Variants in KIF2C observed in about 807,000 individuals in gnomAD.
The protein encoded by KIF2C is kinesin-like protein KIF2C.
Under a neutral mutation model 97.4 loss-of-function variants are expected in KIF2C, and 34 were observed. The ratio of observed to expected loss-of-function variants is 0.35; its 90% CI spans 0.27 to 0.46. KIF2C has a LOEUF of 0.46. Among genes scored for constraint, KIF2C ranks in the 20% least tolerant of loss-of-function variants. KIF2C has a pLI of 1.00. For missense variants in KIF2C, 750 were observed against 907.6 expected (o/e 0.83, Z 2.23); for synonymous variants, 313 against 318.2 (o/e 0.98, Z 0.17).
intron 16 of KIF2C, among the ~76,000 whole-genome samples, chr1:44,761,543 G>A (rs972715743): frequency 7.2e-5 from 11 of 151,880 alleles, no homozygotes; most frequent in Non-Finnish European, 5.9e-5. Context: ...GGGAGGCAGA[G>A]CTTGCAGTGA....
intron 2 of KIF2C, among the ~76,000 whole-genome samples, chr1:44,744,547 T>C (rs1649087147): frequency 6.6e-6 from 1 of 152,340 alleles, no homozygotes; most frequent in Middle Eastern, 3.4e-3. Flanking sequence ...TCCTTTCTCC[T>C]GGGATGTTCA....
chr1:44,741,079 CTG>C, intron 2 of KIF2C, 72 bp downstream of exon 2: 1 of 1,161,078 alleles, frequency 8.6e-7, no homozygotes, highest in Non-Finnish European at 1.3e-6. Flanking sequence ...GAAGTGGAAT[CTG>C]TGAGAGCCTA....
intron 4 of KIF2C, among the ~76,000 whole-genome samples, chr1:44,748,117 T>C (rs1573555441): frequency 6.6e-6 from 1 of 152,252 alleles, no homozygotes; most frequent in Middle Eastern, 3.4e-3. Context: ...GAGGGATGGC[T>C]GGGGCTGGAG....
intron 1 of KIF2C, among the ~76,000 whole-genome samples, chr1:44,740,243 T>G (rs944215474): frequency 6.6e-6 from 1 of 152,220 alleles, no homozygotes; most frequent in Non-Finnish European, 1.5e-5. Flanking sequence ...TCTCCAAGGC[T>G]GGTAGACCTC....
chr1:44,755,920 C>G lies in KIF2C; in HGVS notation c.760-9C>G, dbSNP rs371725319. 3 of 1,613,352 alleles carry G rather than the reference C, an allele frequency of 1.9e-6. No homozygotes were observed. Among genetic ancestry groups the G allele is most frequent in the African/African-American group, 2.7e-5 (2 of 74,890 alleles). ...TTGCTGTTGGTTGCCTCCTCTCATC[C>G]GCTTGCAGATCGAAGAGCACAGAAT... On this transcript the variant is annotated splice_polypyrimidine_tract_variant and intron_variant, in intron 8 of 20. Transcript: ENST00000372224.
At chr1:44,761,142 C>T (rs1650118537) in intron 16 of KIF2C, 2 of 179,342 alleles carry the variant, frequency 1.1e-5, no homozygotes, top group African/African-American at 2.4e-5. Context: ...TATCCCCAAG[C>T]CCCTGTATGT....
intron 5 of KIF2C, 62 bp downstream of exon 5, chr1:44,750,626 C>G (rs981850974): frequency 2.2e-6 from 3 of 1,391,568 alleles, no homozygotes. Context: ...TGCTTGGTCC[C>G]TGTGCTAGAA....
At chr1:44,752,878 G>T (rs558287972) in intron 5 of KIF2C, among the ~76,000 whole-genome samples, 2 of 152,288 alleles carry the variant, frequency 1.3e-5, no homozygotes, top group African/African-American at 4.8e-5. Context: ...GCTCTCAGAG[G>T]CTTTTCCCTT....
chr1:44,739,906 C>G lies in KIF2C; in HGVS notation c.-27C>G. The G allele has an allele frequency of 3.1e-6, 5 of 1,602,040 alleles. No individual in the cohort carries two copies. The highest frequency in any genetic ancestry group is 2.6e-6 in the Non-Finnish European group (3 of 1,168,902). ...GAAATTGAGGTTTCTTGGTATTGCG[C>G]GTTTCTCTTCCTTGCTGACTCTCCG... On this transcript the variant is annotated 5_prime_UTR_variant, in exon 1 of 21. Transcript: ENST00000372224.
At chr1:44,765,473 GA>G (rs1650409692) in intron 19 of KIF2C, among the ~76,000 whole-genome samples, 2 of 152,036 alleles carry the variant, frequency 1.3e-5, no homozygotes, top group South Asian at 4.1e-4. Flanking sequence ...AAAAAAGAAA[GA>G]AAGAAAGAAA....
At position 44,760,720 on chromosome 1, in the gene KIF2C, G is replaced by C. The variant is rs1167307807; in HGVS notation, c.1683+18G>C. On this transcript the variant is annotated intron_variant, in intron 16 of 20. Transcript: ENST00000372224. This position sits in a 1 kb window ranked among gnomAD's most constrained non-coding sequence, Gnocchi z 4.2. ...CTTGCATGGTGAGTAGGGTCACTTT[G>C]AAGGTGATGGTACAGGAGGAGACAG... The C allele has an allele frequency of 7.6e-6, 12 of 1,580,444 alleles. No homozygotes were observed. The highest frequency in any genetic ancestry group is 1.0e-5 in the Non-Finnish European group (12 of 1,149,666).
At chr1:44,754,904 C>T in intron 8 of KIF2C, 59 bp downstream of exon 8, 1 of 1,042,618 alleles carries the variant, frequency 9.6e-7, no homozygotes, top group Non-Finnish European at 1.5e-6. Context: ...CAGAAAACTT[C>T]TCTTTACAGG....
chr1:44,742,389 G>A (rs1424407886), intron 2 of KIF2C, among the ~76,000 whole-genome samples: 2 of 151,602 alleles, frequency 1.3e-5, no homozygotes, highest in Non-Finnish European at 2.9e-5. Flanking sequence ...GATTACAGGC[G>A]TGAGCCACCA....
Position 44,746,899 on chromosome 1 carries a change from TTTG to T in KIF2C, c.166-482_166-480del, listed in dbSNP as rs892120082. ...TCTATGTTGTTTTTTTGTTTGTTTGTTTGTTTTTTGTTTTTTGAGACAGAGTCT... is the reference window on the plus strand; with the variant it reads ...TCTATGTTGTTTTTTTGTTTGTTTGTTTTTTTGTTTTTTGAGACAGAGTCT... On this transcript the variant is annotated intron_variant, in intron 2 of 20. Transcript: ENST00000372224. The T allele has an allele frequency of 1.1e-5, 10 of 903,342 alleles. No individual in the cohort carries two copies. The African/African-American group carries it at 1.5e-4, about 14-fold the overall frequency. 56.0% of individuals were successfully genotyped at this position (903,342 alleles called of 1,614,324 possible). A position where few individuals can be genotyped will look rare whatever the true frequency, so the allele number is the denominator to read the frequency against.
chr1:44,740,115 C>T, intron 1 of KIF2C, 113 bp downstream of exon 1: 1 of 1,249,060 alleles, frequency 8.0e-7, no homozygotes, highest in South Asian at 1.2e-5. Flanking sequence ...TCCCTCCCTC[C>T]TTTTCACACG....
intron 19 of KIF2C, among the ~76,000 whole-genome samples, chr1:44,765,910 G>A (rs1031058968): frequency 3.9e-4 from 59 of 152,208 alleles, no homozygotes; most frequent in Admixed American, 9.8e-4. Context: ...AAATTAGCCA[G>A]GCATGGTGGC....
chr1:44,742,271 G>A (rs751913397), intron 2 of KIF2C, among the ~76,000 whole-genome samples: 10 of 151,754 alleles, frequency 6.6e-5, no homozygotes, highest in Non-Finnish European at 1.2e-4. Flanking sequence ...CACTACGCCC[G>A]GCTAATTTTT....
chr1:44,753,655 C>A, intron 6 of KIF2C, 78 bp from the exon 7 acceptor site: 1 of 962,292 alleles, frequency 1.0e-6, no homozygotes, highest in Non-Finnish European at 1.6e-6. Flanking sequence ...CAGTAAATAG[C>A]CAGAGAAGAG....
chr1:44,760,683 A>G lies in KIF2C; in HGVS notation c.1664A>G (p.Glu555Gly). 6.2e-7 allele frequency: 1 copy of G among 1,613,922 alleles called. No homozygotes were observed. The highest frequency in any genetic ancestry group is 8.5e-7 in the Non-Finnish European group (1 of 1,179,820). ...GTGCTGAGGGACTCCTTCATTGGGG[A>G]GAACTCTAGGACTTGCATGGTGAGT... ...TQVLRDSFIG[E>G]NSRTCMIATI... The change falls in exon 16 of 21, where the codon GAG (glutamate) becomes GGG (glycine). Residue 555 changes from glutamate (E) to glycine (G), a missense_variant. Transcript: ENST00000372224. This position sits in a 1 kb window ranked among gnomAD's most constrained non-coding sequence, Gnocchi z 4.2.
Sources: gnomAD v4.1 joint callset for allele counts (sites outside exome capture counted in the v4.1 genomes callset) on GRCh38, gnomAD v4.1.1 for gene constraint, Gnocchi (gnomAD v3.1) non-coding constraint, MANE v1.5 for transcripts, NCBI Gene and HGNC (gene_info 2026-07-23, HGNC 2026-07-21) for gene names.